Variants in XPR1 observed in about 807,000 individuals in gnomAD.
XPR1 encodes xenotropic and polytropic retrovirus receptor 1.
XPR1 carries 28 observed loss-of-function variants against 87.5 expected under a neutral mutation model. The ratio of observed to expected loss-of-function variants is 0.32; its 90% confidence interval spans 0.24 to 0.44. XPR1 has a LOEUF of 0.44. Ranked by LOEUF, XPR1 falls within the 20% of genes least tolerant of loss-of-function variation. XPR1 has a pLI of 1.00. For missense variants in XPR1, 559 were observed against 862.3 expected (o/e 0.65, Z 4.41); for synonymous variants, 300 against 306.1 (o/e 0.98, Z 0.21).
At chr1:180,750,165 C>T (rs1647473412) in intron 2 of XPR1, among the ~76,000 whole-genome samples, 1 of 151,920 alleles carries the variant, frequency 6.6e-6, no homozygotes, top group Non-Finnish European at 1.5e-5. Context: ...TGTCCTTTTT[C>T]TCCTTTCTCA....
chr1:180,668,258 A>G (rs1041673564), intron 1 of XPR1, among the ~76,000 whole-genome samples: 6 of 150,140 alleles, frequency 4.0e-5, no homozygotes, highest in Admixed American at 6.7e-5. Flanking sequence ...CCTCCCAAGT[A>G]GTTGGGATTA....
rs544124933 is a variant in XPR1, at chr1:180,646,777, T to C, written c.69+14507T>C. Among the ~76,000 whole-genome samples the C allele has an allele frequency of 2.6e-5, 4 of 151,864 alleles. No homozygotes were observed. In the South Asian group the frequency reaches 8.4e-4, roughly 32 times the overall value. On this transcript the variant is annotated intron_variant, in intron 1 of 14. Coordinates refer to ENST00000367590, the MANE Select transcript of XPR1 (RefSeq NM_004736.4). Reference sequence around the variant, plus strand: ...TGCAGGAAAGAGGCGTGGGTGGAAGTAGTAAATAAAATAATGGGTGGGCCA... The same window carrying C: ...TGCAGGAAAGAGGCGTGGGTGGAAGCAGTAAATAAAATAATGGGTGGGCCA...
intron 7 of XPR1, among the ~76,000 whole-genome samples, chr1:180,820,327 T>C (rs1292674520): frequency 1.3e-5 from 2 of 152,176 alleles, no homozygotes; most frequent in African/African-American, 4.8e-5. Flanking sequence ...GCCTTCTGTC[T>C]CTATGAATGT....
chr1:180,824,918 A>G lies in XPR1; in HGVS notation c.929A>G (p.Asn310Ser), dbSNP rs763682236. 5 of 1,613,682 alleles carry G rather than the reference A, an allele frequency of 3.1e-6. No homozygotes were observed. The highest frequency in any genetic ancestry group is 1.7e-5 in the Admixed American group (1 of 59,952). The change falls in exon 8 of 15, where the codon AAT becomes AGT. Residue 310 changes from asparagine (N) to serine (S), a missense_variant. Around this residue, in one of 7 missense-constraint regions of XPR1, gnomAD observed 264 missense variants for 377.2 expected, o/e 0.70. Coordinates refer to ENST00000367590, the MANE Select transcript of XPR1 (RefSeq NM_004736.4). ...VLIFELNPRSNLSHQHLFEIA... is the reference protein window; with the variant it reads ...VLIFELNPRSSLSHQHLFEIA... ...ATCTTTGAACTTAATCCGAGAAGCA[A>G]TTTGTCTCATCAACATCTCTTTGAG...
intron 1 of XPR1, among the ~76,000 whole-genome samples, chr1:180,665,633 C>G (rs1269292563): frequency 6.6e-6 from 1 of 152,176 alleles, no homozygotes; most frequent in African/African-American, 2.4e-5. Flanking sequence ...CCAGTGTTGG[C>G]AGCACTGGGT....
chr1:180,820,423 AG>A (rs1333968778), intron 7 of XPR1, among the ~76,000 whole-genome samples: 1 of 152,184 alleles, frequency 6.6e-6, no homozygotes, highest in Non-Finnish European at 1.5e-5. Context: ...AATGTTTTCA[AG>A]GTTCATCCAT....
At chr1:180,879,689 TATC>T (rs1652784175) in intron 13 of XPR1, among the ~76,000 whole-genome samples, 1 of 152,232 alleles carries the variant, frequency 6.6e-6, no homozygotes, top group Non-Finnish European at 1.5e-5. Context: ...TCACAGTAGT[TATC>T]ATTAGCCGAT....
intron 2 of XPR1, among the ~76,000 whole-genome samples, chr1:180,722,144 T>C (rs1370756922): frequency 1.3e-5 from 2 of 152,142 alleles, no homozygotes; most frequent in Non-Finnish European, 2.9e-5. Flanking sequence ...GGTGTGTGCC[T>C]GTATTCCCAG....
At chr1:180,872,807 G>T (rs899749739) in intron 12 of XPR1, among the ~76,000 whole-genome samples, 1 of 151,848 alleles carries the variant, frequency 6.6e-6, no homozygotes, top group Non-Finnish European at 1.5e-5. Flanking sequence ...GCTGTAGACC[G>T]GAGCTGTTCC....
chr1:180,688,494 A>G (rs1656866851), intron 2 of XPR1, among the ~76,000 whole-genome samples: 1 of 152,146 alleles, frequency 6.6e-6, no homozygotes, highest in African/African-American at 2.4e-5. Flanking sequence ...TAGGGGATTA[A>G]AGTGACTAGA....
chr1:180,645,468 C>G (rs766474363), intron 1 of XPR1, among the ~76,000 whole-genome samples: 1 of 152,222 alleles, frequency 6.6e-6, no homozygotes, highest in Non-Finnish European at 1.5e-5. Context: ...GTCCATCTCT[C>G]CCGAAGTGAC....
intron 6 of XPR1, among the ~76,000 whole-genome samples, chr1:180,810,378 C>T (rs904199328): frequency 2.0e-5 from 3 of 151,982 alleles, no homozygotes; most frequent in Non-Finnish European, 2.9e-5. Context: ...CCCAGGAGTT[C>T]AAGACCAGCC....
intron 9 of XPR1, among the ~76,000 whole-genome samples, chr1:180,832,063 T>C (rs1276191640): frequency 1.3e-5 from 2 of 152,216 alleles, no homozygotes; most frequent in Non-Finnish European, 2.9e-5. Context: ...CATCTGTTGT[T>C]TCCTGAGTTT....
Position 180,835,496 on chromosome 1 carries a change from AC to A in XPR1, c.1306+459del, listed in dbSNP as rs111339401. Among the ~76,000 whole-genome samples, 11 of 150,404 alleles carry A rather than the reference AC, an allele frequency of 7.3e-5. No homozygotes were observed. In the South Asian group the frequency reaches 1.5e-3, roughly 20 times the overall value. On this transcript the variant is annotated intron_variant, in intron 10 of 14. Transcript: ENST00000367590. Reference sequence around the variant, plus strand: ...TTATTTTTCTTCTGGCCGTTTTCGCACCCCCCCCTTAGTTTATGCCAGCAGT... The same window carrying A: ...TTATTTTTCTTCTGGCCGTTTTCGCACCCCCCCTTAGTTTATGCCAGCAGT...
intron 1 of XPR1, among the ~76,000 whole-genome samples, chr1:180,633,580 T>G (rs927221082): frequency 6.6e-6 from 1 of 152,192 alleles, no homozygotes; most frequent in African/African-American, 2.4e-5. Context: ...TGAAATAAAT[T>G]CACTTGCAAC....
At chr1:180,685,640 A>T (rs1470793681) in intron 2 of XPR1, among the ~76,000 whole-genome samples, 2 of 152,054 alleles carry the variant, frequency 1.3e-5, no homozygotes, top group Non-Finnish European at 2.9e-5. Context: ...TTGGTAAGCT[A>T]TTGATTATTG....
rs546379979 is a variant in XPR1 at position 180,693,864 on chromosome 1, C to T, written c.121+11453C>T. Among the ~76,000 whole-genome samples, 35 of 152,278 alleles carry T rather than the reference C, an allele frequency of 2.3e-4. No homozygotes were observed. The South Asian group carries it at 5.0e-3, about 22-fold the overall frequency. ...CAAAGACTCTTTTTTCCAATAAGAT[C>T]ACATCACAGATTCTAGGGATTTGAT... On this transcript the variant is annotated intron_variant, in intron 2 of 14. Transcript: ENST00000367590.
At chr1:180,719,737 C>T (rs192419562) in intron 2 of XPR1, among the ~76,000 whole-genome samples, 7 of 152,108 alleles carry the variant, frequency 4.6e-5, no homozygotes, top group East Asian at 1.9e-4. Context: ...CTTTGTGTTG[C>T]GAGCATCTTA....
chr1:180,639,208 A>G (rs1654883553), intron 1 of XPR1, among the ~76,000 whole-genome samples: 1 of 152,082 alleles, frequency 6.6e-6, no homozygotes, highest in African/African-American at 2.4e-5. Context: ...GACTTGCTTG[A>G]ACCCAGGAGG....
Sources: allele counts gnomAD v4.1 joint callset (sites outside exome capture counted in the v4.1 genomes callset), GRCh38; gene constraint gnomAD v4.1.1; regional missense constraint gnomAD v4.1.1; transcripts MANE v1.5; gene names NCBI Gene and HGNC (gene_info 2026-07-23, HGNC 2026-07-21).